LNX2: variants seen among roughly 807,000 people sequenced by gnomAD.
The protein encoded by LNX2 is ligand of Numb protein X 2.
A neutral mutation model predicts 66.2 loss-of-function variants in LNX2; 35 were observed. The observed-to-expected ratio is 0.53, with a 90% CI of 0.40 to 0.70. The LOEUF (loss-of-function observed/expected upper bound fraction) is 0.70. Ranked by LOEUF, LNX2 falls within the 30% of genes least tolerant of loss-of-function variation. LNX2 has a pLI of 0.00. For synonymous variants in LNX2, 337 were observed against 315.6 expected, an observed-to-expected ratio of 1.07 and a Z score of -0.72; for missense variants, 791 against 850.8, an observed-to-expected ratio of 0.93 and a Z score of 0.87.
chr13:27,589,476 G>GA, intron 1 of LNX2, among the ~76,000 whole-genome samples: 1 of 152,078 alleles, frequency 6.6e-6, no homozygotes, highest in East Asian at 1.9e-4. Context: ...CTCAGTATTT[G>GA]TTCATTTTTA....
Position 27,581,564 on chromosome 13 carries a change from T to G in LNX2, c.140A>C (p.Asp47Ala), listed in dbSNP as rs1593251676. Residue 47 changes from aspartate (D) to alanine (A), a missense_variant, in exon 2 of 10, where the codon GAC becomes GCC. By Grantham distance (126) the Asp-to-Ala change is moderately radical. Coordinates refer to ENST00000316334, the MANE Select transcript of LNX2 (RefSeq NM_153371.4). ...LYNYQNEVDDDLVCHICLQPL... is the reference protein window; with the variant it reads ...LYNYQNEVDDALVCHICLQPL... ...TTGAAGGCAAATATGGCAGACTAGGTCATCATCCACTTCATTCTGGTAATT... is the reference window on the plus strand; with the variant it reads ...TTGAAGGCAAATATGGCAGACTAGGGCATCATCCACTTCATTCTGGTAATT... 1 of 1,614,184 alleles carries G rather than the reference T, an allele frequency of 6.2e-7. No homozygotes were observed. Among genetic ancestry groups the G allele is most frequent in the South Asian group, 1.1e-5 (1 of 91,084 alleles).
chr13:27,580,191 T>C (rs954431175), intron 2 of LNX2, among the ~76,000 whole-genome samples: 1 of 152,206 alleles, frequency 6.6e-6, no homozygotes, highest in Non-Finnish European at 1.5e-5. Context: ...TGACTTGACC[T>C]ACGATAGAGT....
At chr13:27,582,360 T>C (rs149332617) in intron 1 of LNX2, among the ~76,000 whole-genome samples, 4 of 152,252 alleles carry the variant, frequency 2.6e-5, no homozygotes, top group African/African-American at 9.6e-5. Flanking sequence ...AAAACAACTT[T>C]TGATGAAAGG....
At chr13:27,553,119 C>A in intron 8 of LNX2, 89 bp downstream of exon 8, 1 of 1,010,696 alleles carries the variant, frequency 9.9e-7, no homozygotes, top group Non-Finnish European at 1.5e-6. Context: ...TTTTTTTTAT[C>A]CCAACGAGTA....
At chr13:27,594,032 T>C (rs1955572279) in intron 1 of LNX2, among the ~76,000 whole-genome samples, 1 of 152,144 alleles carries the variant, frequency 6.6e-6, no homozygotes, top group Admixed American at 6.5e-5. Context: ...ACTTCTGATT[T>C]ACATTATAAA....
rs1254840221 is a variant in LNX2, at chr13:27,583,210, G to GCCCTCTCCAATATAACTT, written c.-100-1408_-100-1407insAAGTTATATTGGAGAGGG. Among the ~76,000 whole-genome samples the GCCCTCTCCAATATAACTT allele has an allele frequency of 1.9e-3, 42 of 22,052 alleles. 8 individuals carry two copies. Among genetic ancestry groups the GCCCTCTCCAATATAACTT allele is most frequent in the Non-Finnish European group, 3.0e-3 (33 of 11,040 alleles). The allele number at this position is 22,052 out of a possible 152,430, so 14.5% of individuals were successfully genotyped here. Reference sequence around the variant, plus strand: ...TGTGTGTGTGTGTGTGTGTGTGTGTGTGTGTGTGTGTGTGTGTGTGTGTGT... The same window carrying GCCCTCTCCAATATAACTT: ...TGTGTGTGTGTGTGTGTGTGTGTGTGCCCTCTCCAATATAACTTTGTGTGTGTGTGTGTGTGTGTGTGT... On this transcript the variant is annotated intron_variant, in intron 1 of 9. Coordinates refer to ENST00000316334, the MANE Select transcript of LNX2 (RefSeq NM_153371.4).
At chr13:27,619,137 A>C (rs949983452) in intron 1 of LNX2, among the ~76,000 whole-genome samples, 1 of 152,250 alleles carries the variant, frequency 6.6e-6, no homozygotes, top group Non-Finnish European at 1.5e-5. Context: ...AGTGGGCCGA[A>C]TTAAAAGTGA....
chr13:27,567,679 G>C lies in LNX2; in HGVS notation c.816C>G (p.Ala272=). The part of the protein sequence containing the change: ...IQEVYRDGVI[A]RDGRLLAGDQ... ...CTCCAGCAAGAAGTCTCCCGTCTCT[G>C]GCAATGACCCCATCCCGATAGACCT... Residue 272 remains alanine, a synonymous_variant, in exon 4 of 10, where the codon GCC becomes GCG. Coordinates refer to ENST00000316334, the MANE Select transcript of LNX2 (RefSeq NM_153371.4). The C allele has an allele frequency of 6.2e-7, 1 of 1,614,024 alleles. No homozygotes were observed. The highest frequency in any genetic ancestry group is 2.2e-5 in the East Asian group (1 of 44,872).
chr13:27,577,882 A>G (rs1290884543), intron 2 of LNX2, among the ~76,000 whole-genome samples: 1 of 152,190 alleles, frequency 6.6e-6, no homozygotes, highest in African/African-American at 2.4e-5. Flanking sequence ...GAGGAATGCT[A>G]TATAGCTGAT....
chr13:27,556,165 T>G (rs1402196864), intron 7 of LNX2, 71 bp downstream of exon 7: 1 of 1,403,912 alleles, frequency 7.1e-7, no homozygotes, highest in Non-Finnish European at 9.8e-7. Flanking sequence ...TTGTAGATAT[T>G]CTTTATTTTT....
chr13:27,585,954 G>T (rs1482500767), intron 1 of LNX2, among the ~76,000 whole-genome samples: 1 of 149,244 alleles, frequency 6.7e-6, no homozygotes, highest in African/African-American at 2.5e-5. Flanking sequence ...TAGTAACAGC[G>T]GTCTATCTCA....
At position 27,552,964 on chromosome 13, in the gene LNX2, C is replaced by T. The variant is rs373662880; in HGVS notation, c.1778+244G>A. 7.2e-5 allele frequency among the ~76,000 whole-genome samples: 11 copies of T among 152,286 alleles called. No individual in the cohort carries two copies. The East Asian group carries it at 2.1e-3, about 29-fold the overall frequency. ...TAAGCAAGAGGCTGGGTTATCCAAT[C>T]TCATGGCTAGCCCACTGAGGAGCCT... is the stretch of plus-strand genomic sequence containing the variant. On this transcript the variant is annotated intron_variant, in intron 8 of 9. Coordinates refer to ENST00000316334, the MANE Select transcript of LNX2 (RefSeq NM_153371.4).
chr13:27,569,087 T>G lies in LNX2; in HGVS notation c.597A>C (p.Thr199=). The G allele has an allele frequency of 6.2e-7, 1 of 1,613,802 alleles. No individual in the cohort carries two copies. ...TGTCAAGGCCAGGCTCCTCACTCCATGTGGAAAGAGACGCTGATGTCAAGT... is the reference window on the plus strand; with the variant it reads ...TGTCAAGGCCAGGCTCCTCACTCCAGGTGGAAAGAGACGCTGATGTCAAGT... ...ERHLTSASLS[T]WSEEPGLDNP... Residue 199 remains threonine (T), a synonymous_variant, in exon 3 of 10, where the codon ACA becomes ACC. Transcript: ENST00000316334.
At chr13:27,556,476 A>T in intron 6 of LNX2, 63 bp from the exon 7 acceptor site, 1 of 1,354,424 alleles carries the variant, frequency 7.4e-7, no homozygotes, top group Non-Finnish European at 1.0e-6. Flanking sequence ...TAAAGTTATT[A>T]CTTCAAACTA....
At position 27,553,526 on chromosome 13, in the gene LNX2, G is replaced by C. The variant is rs115045712; in HGVS notation, c.1547-87C>G. Reference sequence around the variant, plus strand: ...GTTGTTTATAAACTAAGCAACAAAAGTTAGTTCCCCCAACTCTGATGAGAT... The same window carrying C: ...GTTGTTTATAAACTAAGCAACAAAACTTAGTTCCCCCAACTCTGATGAGAT... On this transcript the variant is annotated intron_variant, in intron 7 of 9. Coordinates refer to ENST00000316334, the MANE Select transcript of LNX2 (RefSeq NM_153371.4). The C allele has an allele frequency of 2.1e-3, 1,921 of 933,348 alleles. 24 individuals are homozygous for C. The African/African-American group carries it at 0.027, about 13-fold the overall frequency. The allele number at this position is 933,348 out of a possible 1,614,324, so 57.8% of individuals were successfully genotyped here. A position where few individuals can be genotyped will look rare whatever the true frequency, so the allele number is the denominator to read the frequency against.
intron 9 of LNX2, 122 bp from the exon 10 acceptor site, chr13:27,548,592 G>A: frequency 9.5e-7 from 1 of 1,049,374 alleles, no homozygotes; most frequent in Non-Finnish European, 1.4e-6. Context: ...AATGGTTAGG[G>A]TGTATAATCT....
chr13:27,564,496 T>C (rs1243917995), intron 4 of LNX2, among the ~76,000 whole-genome samples: 1 of 152,174 alleles, frequency 6.6e-6, no homozygotes, highest in African/African-American at 2.4e-5. Flanking sequence ...ATTAATGATA[T>C]TGAGGTAATT....
At chr13:27,600,434 C>A (rs555156404) in intron 1 of LNX2, among the ~76,000 whole-genome samples, 1 of 152,156 alleles carries the variant, frequency 6.6e-6, no homozygotes, top group East Asian at 1.9e-4. Flanking sequence ...TAAAATCTAA[C>A]CAGTAGATTA....
intron 1 of LNX2, among the ~76,000 whole-genome samples, chr13:27,608,003 G>C (rs1593265247): frequency 1.3e-5 from 2 of 152,212 alleles, no homozygotes; most frequent in Admixed American, 1.3e-4. Flanking sequence ...ATTTGCTGTT[G>C]TTTCTCTTCC....
Sources: gnomAD v4.1 joint callset for allele counts (sites outside exome capture counted in the v4.1 genomes callset) on GRCh38, gnomAD v4.1.1 for gene constraint, MANE v1.5 for transcripts, NCBI Gene and HGNC (gene_info 2026-07-23, HGNC 2026-07-21) for gene names.